The following DCUN1D3 variants were observed in gnomAD, a reference collection of about 807,000 sequenced individuals.
The protein encoded by DCUN1D3 is DCN1-like protein 3.
In DCUN1D3, 6 loss-of-function variants were observed where a neutral mutation model predicts 24.8. The observed-to-expected ratio is 0.24, with a 90% CI of 0.13 to 0.48. DCUN1D3 has a LOEUF of 0.48. DCUN1D3 is among the 20% of genes least tolerant of loss of function. The pLI is 0.99. For missense variants in DCUN1D3, 258 were observed against 379.4 expected (o/e 0.68, Z 2.66); for synonymous variants, 120 against 144.9 (o/e 0.83, Z 1.24).
intron 1 of DCUN1D3, among the ~76,000 whole-genome samples, chr16:20,897,216 C>A (rs920114442): frequency 1.3e-5 from 2 of 152,240 alleles, no homozygotes; most frequent in African/African-American, 4.8e-5. Flanking sequence ...AAAGCATATT[C>A]TGTTTCAGCC....
chr16:20,880,656 T>C lies in DCUN1D3; in HGVS notation c.-105-18013A>G, dbSNP rs538615515. ...AGAAAAAAGAAAAAAGAAAAGAAAA[T>C]GGCTAACTGGCATCTAAGAGATACT... On this transcript the variant is annotated intron_variant, in intron 1 of 2. Transcript: ENST00000324344. Among the ~76,000 whole-genome samples the C allele has an allele frequency of 6.7e-3, 626 of 93,586 alleles. 6 individuals carry two copies. The highest frequency in any genetic ancestry group is 0.023 in the African/African-American group (602 of 26,194). The allele number at this position is 93,586 out of a possible 152,430, so 61.4% of individuals were successfully genotyped here.
intron 1 of DCUN1D3, among the ~76,000 whole-genome samples, chr16:20,888,033 A>G (rs1288867389): frequency 6.6e-6 from 1 of 152,242 alleles, no homozygotes; most frequent in African/African-American, 2.4e-5. Flanking sequence ...CCAGATACCC[A>G]GAGGACAGGT....
Position 20,860,439 on chromosome 16 carries a change from T to C in DCUN1D3, c.432-70A>G. 1 of 1,486,210 alleles carries C rather than the reference T, an allele frequency of 6.7e-7. No homozygotes were observed. The allele number at this position is 1,486,210 out of a possible 1,614,324, so 92.1% of individuals were successfully genotyped here. ...TATTTACAGGCAATATACATAGTGATTAAGAGCAAGGCTTTCAGGCCAGAT... is the reference window on the plus strand; with the variant it reads ...TATTTACAGGCAATATACATAGTGACTAAGAGCAAGGCTTTCAGGCCAGAT... On this transcript the variant is annotated intron_variant, in intron 2 of 2. Transcript: ENST00000324344. This position sits in a 1 kb window ranked among gnomAD's most constrained non-coding sequence, Gnocchi z 4.3.
At position 20,857,005 on chromosome 16, in the gene DCUN1D3, C is replaced by A. The variant is rs1269695974; in HGVS notation, c.*2881G>T. On this transcript the variant is annotated 3_prime_UTR_variant, in exon 3 of 3. Transcript: ENST00000324344. ...GCATGCATTCAGCCTCTTACACAGACTTACTGCTCACTCATTAAGTGGCAA... is the reference window on the plus strand; with the variant it reads ...GCATGCATTCAGCCTCTTACACAGAATTACTGCTCACTCATTAAGTGGCAA... 6.6e-6 allele frequency: 1 copy of A among 152,212 alleles called. No individual in the cohort carries two copies. The highest frequency in any genetic ancestry group is 2.4e-5 in the African/African-American group (1 of 41,450). 9.4% of individuals were successfully genotyped at this position (152,212 alleles called of 1,614,324 possible). A position where few individuals can be genotyped will look rare whatever the true frequency, so the allele number is the denominator to read the frequency against.
intron 1 of DCUN1D3, among the ~76,000 whole-genome samples, chr16:20,895,572 C>T (rs2081911630): frequency 6.6e-6 from 1 of 152,134 alleles, no homozygotes; most frequent in Non-Finnish European, 1.5e-5. Flanking sequence ...CTAAGGGGTC[C>T]AAAACCAATC....
Position 20,859,768 on chromosome 16 carries a change from A to C in DCUN1D3, c.*118T>G. On this transcript the variant is annotated 3_prime_UTR_variant, in exon 3 of 3. Coordinates refer to ENST00000324344, the MANE Select transcript of DCUN1D3 (RefSeq NM_173475.4). ...TTTAGAGCCCTTTCAGATACAAGGC[A>C]GAGAAAGGTGTAAAGTAGAAAATAT... The C allele has an allele frequency of 1.5e-6, 2 of 1,323,860 alleles. No individual in the cohort carries two copies. Among genetic ancestry groups the C allele is most frequent in the Non-Finnish European group, 2.0e-6 (2 of 987,246 alleles). The allele number at this position is 1,323,860 out of a possible 1,614,324, so 82.0% of individuals were successfully genotyped here.
chr16:20,877,649 T>A (rs949189893), intron 1 of DCUN1D3, among the ~76,000 whole-genome samples: 9 of 152,236 alleles, frequency 5.9e-5, no homozygotes, highest in Non-Finnish European at 1.3e-4. Context: ...CTGAGATGTT[T>A]AGCACTTTCT....
rs1430526649 is a variant in DCUN1D3, at chr16:20,862,277, A to G, written c.262T>C (p.Leu88=). 6.2e-7 allele frequency: 1 copy of G among 1,614,188 alleles called. No individual in the cohort carries two copies. Reference sequence around the variant, plus strand: ...CTGAACAGTTCTTCCAATCTTTGCAAGGAAGACTCCTCGGCATTGGACTTG... The same window carrying G: ...CTGAACAGTTCTTCCAATCTTTGCAGGGAAGACTCCTCGGCATTGGACTTG... The part of the protein sequence containing the change: ...ESKSNAEESS[L]QRLEELFRRY... Residue 88 remains leucine (L), a synonymous_variant, in exon 2 of 3, where the codon TTG becomes CTG. Coordinates refer to ENST00000324344, the MANE Select transcript of DCUN1D3 (RefSeq NM_173475.4).
chr16:20,860,579 A>G lies in DCUN1D3; in HGVS notation c.432-210T>C, dbSNP rs2081726863. Reference sequence around the variant, plus strand: ...TTTGGTGAGGACTAAACAAATTACTATTCTGCTTCTAACAGTGCCTGGCAC... The same window carrying G: ...TTTGGTGAGGACTAAACAAATTACTGTTCTGCTTCTAACAGTGCCTGGCAC... On this transcript the variant is annotated intron_variant, in intron 2 of 2. Transcript: ENST00000324344. The surrounding 1 kb of genome is among the most constrained non-coding windows in gnomAD (Gnocchi z 4.3). 1.3e-5 allele frequency among the ~76,000 whole-genome samples: 2 copies of G among 152,210 alleles called. No homozygotes were observed. The highest frequency in any genetic ancestry group is 4.1e-4 in the South Asian group (2 of 4,834).
rs551542290 is a variant in DCUN1D3 at position 20,889,752 on chromosome 16, T to TG, written c.-106+10451dup. 5.3e-5 allele frequency among the ~76,000 whole-genome samples: 8 copies of TG among 152,290 alleles called. No individual in the cohort carries two copies. The East Asian group carries it at 1.5e-3, about 29-fold the overall frequency. On this transcript the variant is annotated intron_variant, in intron 1 of 2. Coordinates refer to ENST00000324344, the MANE Select transcript of DCUN1D3 (RefSeq NM_173475.4). ...GGAATTTTCTGTCTTTTATTATTCATGAAGAGCCCTCTGGACCACATGCCA... is the reference window on the plus strand; with the variant it reads ...GGAATTTTCTGTCTTTTATTATTCATGGAAGAGCCCTCTGGACCACATGCCA...
At chr16:20,894,742 A>G (rs1028215875) in intron 1 of DCUN1D3, among the ~76,000 whole-genome samples, 1 of 152,246 alleles carries the variant, frequency 6.6e-6, no homozygotes, top group African/African-American at 2.4e-5. Flanking sequence ...TTATTTTGCC[A>G]CAAGAGCTAA....
intron 1 of DCUN1D3, among the ~76,000 whole-genome samples, chr16:20,889,295 G>A (rs1033440332): frequency 6.6e-6 from 1 of 151,970 alleles, no homozygotes; most frequent in African/African-American, 2.4e-5. Flanking sequence ...GGGAAGCTGA[G>A]GTAGGAGAAT....
intron 1 of DCUN1D3, among the ~76,000 whole-genome samples, chr16:20,893,686 A>C (rs987870828): frequency 3.3e-5 from 5 of 152,270 alleles, no homozygotes; most frequent in Non-Finnish European, 5.9e-5. Flanking sequence ...ATACTTCAAC[A>C]ATGGCGGAGA....
At chr16:20,872,851 C>T (rs1299528909) in intron 1 of DCUN1D3, among the ~76,000 whole-genome samples, 1 of 152,254 alleles carries the variant, frequency 6.6e-6, no homozygotes, top group Non-Finnish European at 1.5e-5. Flanking sequence ...GGCGCAGTGG[C>T]TCACGCCTGC....
chr16:20,887,333 CTA>C (rs1057247005), intron 1 of DCUN1D3, among the ~76,000 whole-genome samples: 2 of 152,098 alleles, frequency 1.3e-5, no homozygotes, highest in African/African-American at 4.8e-5. Flanking sequence ...AAAAACAGAA[CTA>C]GTAAATGAAA....
chr16:20,873,069 G>A (rs1192391163), intron 1 of DCUN1D3, among the ~76,000 whole-genome samples: 1 of 149,744 alleles, frequency 6.7e-6, no homozygotes, highest in Non-Finnish European at 1.5e-5. Flanking sequence ...TAGCAGTGAG[G>A]AAGACTGTGC....
At chr16:20,867,480 C>T (rs2081768272) in intron 1 of DCUN1D3, among the ~76,000 whole-genome samples, 1 of 152,180 alleles carries the variant, frequency 6.6e-6, no homozygotes. Flanking sequence ...ACGTTTTTGT[C>T]CACCAGCACA....
chr16:20,895,421 C>T (rs1051501334), intron 1 of DCUN1D3, among the ~76,000 whole-genome samples: 1 of 152,142 alleles, frequency 6.6e-6, no homozygotes, highest in Admixed American at 6.5e-5. Flanking sequence ...AGCCACCACA[C>T]CCAAACTGTA....
chr16:20,874,332 A>G (rs938345011), intron 1 of DCUN1D3, among the ~76,000 whole-genome samples: 6 of 152,258 alleles, frequency 3.9e-5, no homozygotes, highest in African/African-American at 1.4e-4. Flanking sequence ...GCTATTTAAA[A>G]GATGGTATGA....
Sources: gnomAD v4.1 joint callset for allele counts (sites outside exome capture counted in the v4.1 genomes callset) on GRCh38, gnomAD v4.1.1 for gene constraint, Gnocchi (gnomAD v3.1) non-coding constraint, MANE v1.5 for transcripts, NCBI Gene and HGNC (gene_info 2026-07-23, HGNC 2026-07-21) for gene names.